Variants in PYROXD2 observed in about 807,000 individuals in gnomAD.
PYROXD2 encodes the protein pyridine nucleotide-disulphide oxidoreductase domain 2.
PYROXD2 carries 69 observed loss-of-function variants against 71.1 expected under a neutral mutation model. The observed-to-expected ratio is 0.97, with a 90% CI of 0.80 to 1.19. The LOEUF is 1.19. PYROXD2 is among the 50% of genes most tolerant of loss of function. The pLI is 0.00. For missense variants in PYROXD2, 745 were observed against 748.9 expected (o/e 0.99, Z 0.06); for synonymous variants, 287 against 302.7 (o/e 0.95, Z 0.54).
intron 5 of PYROXD2, among the ~76,000 whole-genome samples, chr10:98,397,716 C>A (rs559904319): frequency 2.0e-5 from 3 of 152,166 alleles, no homozygotes; most frequent in South Asian, 2.1e-4. Context: ...GGTCAGGAGA[C>A]CCTGGGCAAT....
rs1564801708 is a variant in PYROXD2, at chr10:98,397,426, C to CG, written c.543dup (p.Val182ArgfsTer40). On this transcript the variant is annotated frameshift_variant, in exon 6 of 16. Coordinates refer to ENST00000370575, the MANE Select transcript of PYROXD2 (RefSeq NM_032709.3). LOFTEE classifies it high-confidence loss of function. Reference sequence around the variant, plus strand: ...CCATGCTGGAAGGCCGCCATGTCCACGGGGGCCGCATCCAGCAGAGGGTCA... The same window carrying CG: ...CCATGCTGGAAGGCCGCCATGTCCACGGGGGGCCGCATCCAGCAGAGGGTCA... 1.9e-6 allele frequency: 3 copies of CG among 1,613,396 alleles called. No individual in the cohort carries two copies. The highest frequency in any genetic ancestry group is 2.5e-6 in the Non-Finnish European group (3 of 1,179,576).
At position 98,400,219 on chromosome 10, in the gene PYROXD2, G is replaced by A; in HGVS notation, c.354C>T (p.Ser118=). The change falls in exon 5 of 16, where the codon TCC becomes TCT. Residue 118 remains serine (S), a synonymous_variant. Transcript: ENST00000370575. The part of the protein sequence containing the change: ...GLRLHLRNPY[S]FTPMLEEGAG... The stretch of plus-strand genomic sequence containing the variant: ...CACCCTCTTCCAGCATGGGGGTGAA[G>A]GAGTAGGGGTTTCGAAGATGAAGCC... 2 of 1,612,308 alleles carry A rather than the reference G, an allele frequency of 1.2e-6. No individual in the cohort carries two copies. The highest frequency in any genetic ancestry group is 1.7e-6 in the Non-Finnish European group (2 of 1,179,070).
Position 98,390,603 on chromosome 10 carries a change from G to T in PYROXD2, c.1287C>A (p.Ser429=), listed in dbSNP as rs1334996215. Reference sequence around the variant, plus strand: ...ATAAAGTCCAGGGCCCCTACCTGTGGGAAGGCAGGCCATCCATGGCATCTT... The same window carrying T: ...ATAAAGTCCAGGGCCCCTACCTGTGTGAAGGCAGGCCATCCATGGCATCTT... ...AFEDAMDGLP[S]HRPVIELCIP... is the part of the protein sequence containing the mutation. Residue 429 remains serine, a synonymous_variant, in exon 12 of 16, where the codon TCC becomes TCA. Transcript: ENST00000370575. 5 of 1,591,060 alleles carry T rather than the reference G, an allele frequency of 3.1e-6. No homozygotes were observed. In the African/African-American group the frequency reaches 6.7e-5, roughly 21 times the overall value.
chr10:98,394,484 CTAGCTG>C (rs1843076946), intron 8 of PYROXD2, among the ~76,000 whole-genome samples: 3 of 151,866 alleles, frequency 2.0e-5, no homozygotes, highest in African/African-American at 2.4e-5. Context: ...CTTCTAGCTT[CTAGCTG>C]TATCTTCTGG....
chr10:98,395,781 C>T (rs984256311), intron 6 of PYROXD2, among the ~76,000 whole-genome samples: 1 of 152,186 alleles, frequency 6.6e-6, no homozygotes, highest in African/African-American at 2.4e-5. Context: ...AAGCAGTTAG[C>T]ATTATTTTTG....
chr10:98,387,430 A>T, intron 13 of PYROXD2, 123 bp from the exon 14 acceptor site: 1 of 657,724 alleles, frequency 1.5e-6, no homozygotes, highest in Non-Finnish European at 2.7e-6. Context: ...TTATTTTATC[A>T]TATGCAAATT....
intron 11 of PYROXD2, 125 bp from the exon 12 acceptor site, chr10:98,390,879 C>G: frequency 7.2e-7 from 1 of 1,382,830 alleles, no homozygotes; most frequent in South Asian, 1.2e-5. Context: ...ACCTTCTGAC[C>G]AGGCTGCAGG....
At chr10:98,398,856 C>A (rs1267015734) in intron 5 of PYROXD2, among the ~76,000 whole-genome samples, 2 of 151,986 alleles carry the variant, frequency 1.3e-5, no homozygotes, top group Non-Finnish European at 2.9e-5. Flanking sequence ...GCTCCTCAGG[C>A]CGGGTGTGGT....
In PYROXD2 at chr10:98,395,310, C is replaced by G; in HGVS notation, c.688-17G>C. 6.2e-7 allele frequency: 1 copy of G among 1,614,112 alleles called. No individual in the cohort carries two copies. Among genetic ancestry groups the G allele is most frequent in the South Asian group, 1.1e-5 (1 of 91,078 alleles). On this transcript the variant is annotated splice_polypyrimidine_tract_variant and intron_variant, in intron 7 of 15. Transcript: ENST00000370575. ...ATCCAGCACCTGGACAGCACAACAG[C>G]AGAGAGAAGGGCTTAGGAGCCTGGA...
At chr10:98,410,323 G>A (rs912810139) in intron 2 of PYROXD2, among the ~76,000 whole-genome samples, 7 of 152,230 alleles carry the variant, frequency 4.6e-5, no homozygotes, top group African/African-American at 1.7e-4. Context: ...GCCTCCTGGA[G>A]GTATCTGGAC....
At chr10:98,392,630 G>A in intron 9 of PYROXD2, 64 bp from the exon 10 acceptor site, 1 of 1,590,580 alleles carries the variant, frequency 6.3e-7, no homozygotes, top group Non-Finnish European at 8.5e-7. Flanking sequence ...AGATCTTCCG[G>A]GATTTCCATG....
At chr10:98,410,452 T>C (rs6584201) in intron 2 of PYROXD2, among the ~76,000 whole-genome samples, 54,973 of 152,080 alleles carry the variant, frequency 0.36, 11,082 homozygotes, top group African/African-American at 0.53. Flanking sequence ...AGCTCCTCAA[T>C]GTCTCCAGGG....
chr10:98,405,843 T>C (rs1288173129), intron 4 of PYROXD2, among the ~76,000 whole-genome samples: 1 of 152,234 alleles, frequency 6.6e-6, no homozygotes, highest in Admixed American at 6.5e-5. Context: ...TTGGCTTGAA[T>C]TCTCCATCAC....
At chr10:98,397,281 G>C (rs1204188051) in intron 6 of PYROXD2, 64 bp downstream of exon 6, 2 of 1,489,346 alleles carry the variant, frequency 1.3e-6, no homozygotes, top group African/African-American at 2.8e-5. Context: ...TCTAGGCATC[G>C]AGACAATGGG....
chr10:98,402,477 C>T (rs1379502689), intron 4 of PYROXD2, among the ~76,000 whole-genome samples: 1 of 152,208 alleles, frequency 6.6e-6, no homozygotes, highest in East Asian at 1.9e-4. Flanking sequence ...TCATTTACTC[C>T]AGGGTCACTT....
intron 4 of PYROXD2, 68 bp from the exon 5 acceptor site, chr10:98,400,325 G>T: frequency 6.8e-7 from 1 of 1,473,470 alleles, no homozygotes; most frequent in South Asian, 1.3e-5. Context: ...ATCTTTCTCC[G>T]ATTGTGTTTG....
intron 4 of PYROXD2, 67 bp from the exon 5 acceptor site, chr10:98,400,324 C>A: frequency 1.4e-6 from 2 of 1,479,898 alleles, no homozygotes; most frequent in Non-Finnish European, 1.8e-6. Flanking sequence ...CATCTTTCTC[C>A]GATTGTGTTT....
intron 11 of PYROXD2, 124 bp downstream of exon 11, chr10:98,390,886 C>T: frequency 7.5e-7 from 1 of 1,342,184 alleles, no homozygotes; most frequent in Non-Finnish European, 1.1e-6. Flanking sequence ...GACCAGGCTG[C>T]AGGGGGACAC....
chr10:98,407,570 G>A lies in PYROXD2; in HGVS notation c.315+12C>T. ...CTCCCTCCGTGCAATCGGGCCGGCG[G>A]GGGGGCCCTACCTTCAGCTCCAGAT... is the stretch of plus-strand genomic sequence containing the variant. On this transcript the variant is annotated intron_variant, in intron 4 of 15. Transcript: ENST00000370575. 6.2e-7 allele frequency: 1 copy of A among 1,613,372 alleles called. No homozygotes were observed. The highest frequency in any genetic ancestry group is 8.5e-7 in the Non-Finnish European group (1 of 1,179,966).
Sources: allele counts gnomAD v4.1 joint callset (sites outside exome capture counted in the v4.1 genomes callset), GRCh38; gene constraint gnomAD v4.1.1; transcripts MANE v1.5; gene names NCBI Gene and HGNC (gene_info 2026-07-23, HGNC 2026-07-21).